The following FBN3 variants were observed in gnomAD, a reference collection of about 807,000 sequenced individuals.
FBN3 encodes fibrillin 3.
Under a neutral mutation model 330.1 loss-of-function variants are expected in FBN3, and 234 were observed. The ratio of observed to expected loss-of-function variants is 0.71; its 90% CI spans 0.64 to 0.79. The LOEUF (loss-of-function observed/expected upper bound fraction) is 0.79. Among genes scored for constraint, FBN3 ranks in the 30% least tolerant of loss-of-function variants. The probability of loss-of-function intolerance (pLI) is 0.00; values close to 1 mark genes in which losing one functional copy is unlikely to be tolerated. For synonymous variants in FBN3, 1,458 were observed against 1,517.3 expected (o/e 0.96, Z 0.91); for missense variants, 3,606 against 3,886.9 (o/e 0.93, Z 1.92).
rs372329383 is a variant in FBN3 at position 8,095,445 on chromosome 19, G to A, written c.5715C>T (p.Asn1905=). ...AGAGGCAGTGGAAGGAACCAGCTGTGTTGAGGCAATGGCCAAATCGGCACA... is the reference window on the plus strand; with the variant it reads ...AGAGGCAGTGGAAGGAACCAGCTGTATTGAGGCAATGGCCAAATCGGCACA... The part of the protein sequence containing the change: ...GQVCRFGHCL[N]TAGSFHCLCQ... The change falls in exon 46 of 64, where the codon AAC becomes AAT. Residue 1905 remains asparagine, a synonymous_variant. Transcript: ENST00000600128. The A allele has an allele frequency of 6.2e-6, 10 of 1,613,658 alleles. No individual in the cohort carries two copies. The Admixed American group carries it at 8.3e-5, about 13-fold the overall frequency.
At position 8,129,622 on chromosome 19, in the gene FBN3, C is replaced by T. The variant is rs2083079284; in HGVS notation, c.2045-257G>A. Among the ~76,000 whole-genome samples, 1 of 152,158 alleles carries T rather than the reference C, an allele frequency of 6.6e-6. No homozygotes were observed. Among genetic ancestry groups the T allele is most frequent in the African/African-American group, 2.4e-5 (1 of 41,440 alleles). On this transcript the variant is annotated intron_variant, in intron 16 of 63. Transcript: ENST00000600128. This position sits in a 1 kb window ranked among gnomAD's most constrained non-coding sequence, Gnocchi z 4.5. ...GATGTCGAGCAGCTCCCGTGGCCTC[C>T]ACCCATGAGATGTCAGTAGCACCCA...
intron 5 of FBN3, 77 bp from the exon 6 acceptor site, chr19:8,145,049 AC>A: frequency 8.0e-7 from 1 of 1,245,000 alleles, no homozygotes; most frequent in Non-Finnish European, 1.1e-6. Context: ...GCCTGTCTTC[AC>A]CCAGGAATCC....
intron 10 of FBN3, among the ~76,000 whole-genome samples, chr19:8,137,237 A>T (rs2145011245): frequency 6.9e-6 from 1 of 145,818 alleles, no homozygotes; most frequent in African/African-American, 2.6e-5. Context: ...CCTGGGGCTT[A>T]GATCCCACCA....
rs752327432 is a variant in FBN3, at chr19:8,131,523, G to A, written c.1990+31C>T. Reference sequence around the variant, plus strand: ...CCGATGGAGGCATTCAGACCAAGGAGGCGATGGGGACCGGGCAGCCGGATG... The same window carrying A: ...CCGATGGAGGCATTCAGACCAAGGAAGCGATGGGGACCGGGCAGCCGGATG... On this transcript the variant is annotated intron_variant, in intron 15 of 63. Transcript: ENST00000600128. The surrounding 1 kb of genome is among the most constrained non-coding windows in gnomAD (Gnocchi z 4.5). 2 of 1,578,952 alleles carry A rather than the reference G, an allele frequency of 1.3e-6. No homozygotes were observed. The highest frequency in any genetic ancestry group is 1.7e-6 in the Non-Finnish European group (2 of 1,159,592).
chr19:8,087,337 T>G, intron 53 of FBN3, 126 bp from the exon 54 acceptor site: 39 of 1,076,888 alleles, frequency 3.6e-5, no homozygotes, highest in Middle Eastern at 3.2e-4. Flanking sequence ...GTCAAATGTC[T>G]ATCCCTCTTA....
intron 24 of FBN3, among the ~76,000 whole-genome samples, chr19:8,123,038 G>A (rs2082890324): frequency 6.6e-6 from 1 of 151,812 alleles, no homozygotes; most frequent in Non-Finnish European, 1.5e-5. Context: ...ACAGCACAGA[G>A]GCAGACACAA....
At chr19:8,070,383 TTTG>T (rs869038609) in intron 63 of FBN3, among the ~76,000 whole-genome samples, 19 of 152,216 alleles carry the variant, frequency 1.2e-4, no homozygotes, top group African/African-American at 4.6e-4. Context: ...GGCAGGTGTT[TTTG>T]TTGTTGTTGT....
intron 46 of FBN3, 35 bp downstream of exon 46, chr19:8,095,340 G>A: frequency 6.3e-7 from 1 of 1,599,554 alleles, no homozygotes; most frequent in East Asian, 2.2e-5. Context: ...GCAGGGGCTG[G>A]CTGAGATGCC....
rs1179686755 is a variant in FBN3, at chr19:8,085,273, T to C, written c.7087+90A>G. On this transcript the variant is annotated intron_variant, in intron 56 of 63. Transcript: ENST00000600128. ...CACACACACAGTGTGGCTCACACATTCCAGCACCTGCTGCAGTACAGACAC... is the reference window on the plus strand; with the variant it reads ...CACACACACAGTGTGGCTCACACATCCCAGCACCTGCTGCAGTACAGACAC... 4.8e-6 allele frequency: 5 copies of C among 1,046,616 alleles called. No homozygotes were observed. The Admixed American group carries it at 1.1e-4, about 22-fold the overall frequency. The allele number at this position is 1,046,616 out of a possible 1,614,324, so 64.8% of individuals were successfully genotyped here.
Position 8,126,329 on chromosome 19 carries a change from C to A in FBN3, c.2573G>T (p.Gly858Val), listed in dbSNP as rs1234578229. The A allele has an allele frequency of 6.3e-7, 1 of 1,590,354 alleles. No individual in the cohort carries two copies. The change falls in exon 21 of 64, where the codon GGC (glycine) becomes GTC (valine). Residue 858 changes from glycine to valine, a missense_variant. Gly to Val is a moderately radical substitution (Grantham distance 109). Transcript: ENST00000600128. ...GGTGACACCCGTCATCCGGGCAAAG[C>A]CCCGGGCACAGGCAGGGTCTGCAAC... ...RCEIDPACARGFARMTGVTCD... is the reference protein window; with the variant it reads ...RCEIDPACARVFARMTGVTCD...
Position 8,147,359 on chromosome 19 carries a change from C to A in FBN3, c.122G>T (p.Gly41Val), listed in dbSNP as rs2083574911. ...GRWDGALEAA[G>V]PGRVRRRGSP... The stretch of plus-strand genomic sequence containing the variant: ...GCCCCGCCTCCGCACACGTCCAGGA[C>A]CTGCAGCCTCCAAGGCCCCGTCCCA... The change falls in exon 2 of 64, where the codon GGT (glycine) becomes GTT (valine). Residue 41 changes from glycine (G) to valine (V), a missense_variant. By Grantham distance (109) the Gly-to-Val change is moderately radical. Coordinates refer to ENST00000600128, the MANE Select transcript of FBN3 (RefSeq NM_032447.5). 1.9e-6 allele frequency: 3 copies of A among 1,602,000 alleles called. No individual in the cohort carries two copies. Among genetic ancestry groups the A allele is most frequent in the South Asian group, 2.2e-5 (2 of 89,108 alleles).
At chr19:8,087,568 G>A (rs182720370) in intron 53 of FBN3, among the ~76,000 whole-genome samples, 81 of 151,546 alleles carry the variant, frequency 5.3e-4, no homozygotes, top group African/African-American at 1.7e-3. Flanking sequence ...AGTTCTTTGC[G>A]GTGGGCGGCT....
rs539528054 is a variant in FBN3, at chr19:8,095,042, G to T, written c.5785+333C>A. ...GGCTGGATGCGGTGGTGTGATCATA[G>T]CTCACTGCATCCTCAAACTCCTGGG... On this transcript the variant is annotated intron_variant, in intron 46 of 63. Transcript: ENST00000600128. 6.6e-5 allele frequency among the ~76,000 whole-genome samples: 10 copies of T among 152,046 alleles called. No individual in the cohort carries two copies. The East Asian group carries it at 1.7e-3, about 26-fold the overall frequency.
chr19:8,115,493 G>C (rs561144926), intron 30 of FBN3, 22 bp downstream of exon 30: 1 of 1,612,204 alleles, frequency 6.2e-7, no homozygotes, highest in Non-Finnish European at 8.5e-7. Flanking sequence ...CCCTCTGCCT[G>C]CACCGCTGAC....
chr19:8,067,195 G>A (rs2081413030), intron 63 of FBN3, among the ~76,000 whole-genome samples: 1 of 148,700 alleles, frequency 6.7e-6, no homozygotes, highest in South Asian at 2.1e-4. Context: ...ACACGATCTC[G>A]GCTCACTGCA....
chr19:8,110,210 A>C (rs1226823570), intron 34 of FBN3, among the ~76,000 whole-genome samples: 2 of 151,922 alleles, frequency 1.3e-5, no homozygotes, highest in African/African-American at 4.8e-5. Context: ...TGTGCACCAC[A>C]ATGCCCAGCT....
Position 8,109,321 on chromosome 19 carries a change from G to C in FBN3, c.4524C>G (p.Ala1508=), listed in dbSNP as rs753243238. The part of the protein sequence containing the change: ...DRGDSGISCS[A]EIGVGVTRAS... ...CTCGGGTGACACCAACTCCGATCTC[G>C]GCACTGCAGGAAATGCCACTGTCCC... The change falls in exon 36 of 64, where the codon GCC becomes GCG. Residue 1508 remains alanine, a synonymous_variant. Transcript: ENST00000600128. The surrounding 1 kb of genome is among the most constrained non-coding windows in gnomAD (Gnocchi z 5.2). The C allele has an allele frequency of 5.6e-6, 9 of 1,614,036 alleles. No homozygotes were observed. The Admixed American group carries it at 1.0e-4, about 18-fold the overall frequency.
rs1419311769 is a variant in FBN3, at chr19:8,106,139, G to T, written c.4782C>A (p.Tyr1594Ter). The change falls in exon 38 of 64, where the codon TAC (tyrosine) becomes TAA (stop). Residue 1594 changes from tyrosine (Y) to a stop codon, truncating the protein, a stop_gained. Coordinates refer to ENST00000600128, the MANE Select transcript of FBN3 (RefSeq NM_032447.5). LOFTEE classifies it high-confidence loss of function. ...GSFQCECPPG[Y>*]HLSEHTRICE... is the part of the protein sequence containing the mutation. ...AGATGCGGGTGTGCTCACTGAGGTG[G>T]TAGCCAGGTGGGCACTCACACTGGA... 1 of 1,614,036 alleles carries T rather than the reference G, an allele frequency of 6.2e-7. No homozygotes were observed. Among genetic ancestry groups the T allele is most frequent in the Non-Finnish European group, 8.5e-7 (1 of 1,180,022 alleles).
intron 13 of FBN3, 25 bp downstream of exon 13, chr19:8,135,936 G>GGGGGGGGGGGCGCCCCCCCCC: frequency 3.0e-6 from 2 of 668,776 alleles, no homozygotes; most frequent in East Asian, 3.9e-5. Context: ...GGAAGCCCCT[G>GGGGGGGGGGGCGCCCCCCCCC]CCCACCCGCC....
Sources: allele counts gnomAD v4.1 joint callset (sites outside exome capture counted in the v4.1 genomes callset), GRCh38; gene constraint gnomAD v4.1.1; non-coding constraint Gnocchi (gnomAD v3.1); transcripts MANE v1.5; gene names NCBI Gene and HGNC (gene_info 2026-07-23, HGNC 2026-07-21).